ZNF141: variants seen among roughly 807,000 people sequenced by gnomAD.
ZNF141 encodes zinc finger protein 141, also known as zinc finger protein 141 (clone pHZ-44).
A neutral mutation model predicts 11.3 loss-of-function variants in ZNF141; 7 were observed. The observed-to-expected ratio is 0.62, with a 90% CI of 0.35 to 1.16. The LOEUF (loss-of-function observed/expected upper bound fraction) is 1.16. Ranked by LOEUF, ZNF141 falls within the 50% of genes most tolerant of loss-of-function variation. ZNF141 has a pLI of 0.02. For missense variants in ZNF141, 535 were observed against 554.0 expected (o/e 0.97, Z 0.34); for synonymous variants, 183 against 190.7 (o/e 0.96, Z 0.33).
At position 380,184 on chromosome 4, in the gene ZNF141, G is replaced by C. The variant is rs1386744403; in HGVS notation, c.*6322G>C. ...ATTTCCTCCCTTTTAACGTTGAATT[G>C]TATTTCCTTGTGTATACCACGTTTT... On this transcript the variant is annotated 3_prime_UTR_variant, in exon 4 of 4. Transcript: ENST00000240499. 1.3e-5 allele frequency among the ~76,000 whole-genome samples: 2 copies of C among 152,042 alleles called. No homozygotes were observed. Among genetic ancestry groups the C allele is most frequent in the African/African-American group, 4.8e-5 (2 of 41,382 alleles).
At chr4:360,700 A>G (rs1553852006) in intron 3 of ZNF141, among the ~76,000 whole-genome samples, 1 of 152,164 alleles carries the variant, frequency 6.6e-6, no homozygotes, top group African/African-American at 2.4e-5. Flanking sequence ...AATAAAAATC[A>G]TTGGAGCAAG....
intron 3 of ZNF141, among the ~76,000 whole-genome samples, chr4:365,581 A>G (rs1029543398): frequency 2.6e-5 from 4 of 152,170 alleles, no homozygotes; most frequent in Non-Finnish European, 5.9e-5. Context: ...ATTTTCTTTC[A>G]TTCTGTAGAT....
In ZNF141 at chr4:373,979, G is replaced by A; in HGVS notation, c.*117G>A. ...CTGGAAATGTGAAGAACGTGGCAAAGTTCTTTACCTCATTCTCAAACCTTG... is the reference window on the plus strand; with the variant it reads ...CTGGAAATGTGAAGAACGTGGCAAAATTCTTTACCTCATTCTCAAACCTTG... On this transcript the variant is annotated 3_prime_UTR_variant, in exon 4 of 4. Coordinates refer to ENST00000240499, the MANE Select transcript of ZNF141 (RefSeq NM_003441.4). 1 of 892,262 alleles carries A rather than the reference G, an allele frequency of 1.1e-6. No individual in the cohort carries two copies. Among genetic ancestry groups the A allele is most frequent in the South Asian group, 1.7e-5 (1 of 59,582 alleles). 55.3% of individuals were successfully genotyped at this position (892,262 alleles called of 1,614,324 possible).
chr4:360,352 G>A (rs1455316794), intron 3 of ZNF141, among the ~76,000 whole-genome samples: 1 of 152,208 alleles, frequency 6.6e-6, no homozygotes, highest in Non-Finnish European at 1.5e-5. Flanking sequence ...ATAAGTAAAT[G>A]TATTGCAATG....
chr4:342,817 C>T, intron 1 of ZNF141: 1 of 1,606,160 alleles, frequency 6.2e-7, no homozygotes, highest in South Asian at 1.1e-5. Context: ...AGAAAAAATT[C>T]AAACAGGTCC....
chr4:351,744 C>T (rs1490043054), intron 3 of ZNF141, among the ~76,000 whole-genome samples: 1 of 152,090 alleles, frequency 6.6e-6, no homozygotes, highest in African/African-American at 2.4e-5. Flanking sequence ...TCTGCCAAAG[C>T]AGGTCATCAA....
intron 3 of ZNF141, among the ~76,000 whole-genome samples, chr4:359,710 G>A (rs1228456117): frequency 1.3e-5 from 2 of 152,146 alleles, no homozygotes; most frequent in African/African-American, 2.4e-5. Flanking sequence ...CACAGGTCAG[G>A]AAAAACTCCT....
At chr4:342,208 A>G (rs1721081796) in intron 1 of ZNF141, among the ~76,000 whole-genome samples, 1 of 152,218 alleles carries the variant, frequency 6.6e-6, no homozygotes, top group Non-Finnish European at 1.5e-5. Flanking sequence ...GCTTCCCATC[A>G]CAGTGCTCTG....
chr4:375,097 TATAGAA>T lies in ZNF141; in HGVS notation c.*1239_*1244del, dbSNP rs1712299151. ...GATATCCTTTATATTCGAGAAAAGT[TATAGAA>T]ATATAAAAAATATAGAAAAGTCATA... On this transcript the variant is annotated 3_prime_UTR_variant, in exon 4 of 4. Transcript: ENST00000240499. The T allele has an allele frequency of 6.6e-6, 1 of 152,128 alleles. No individual in the cohort carries two copies. 9.4% of individuals were successfully genotyped at this position (152,128 alleles called of 1,614,324 possible). A position where few individuals can be genotyped will look rare whatever the true frequency, so the allele number is the denominator to read the frequency against.
At chr4:360,958 C>T (rs1187521079) in intron 3 of ZNF141, among the ~76,000 whole-genome samples, 2 of 151,372 alleles carry the variant, frequency 1.3e-5, no homozygotes, top group Non-Finnish European at 3.0e-5. Context: ...GTCAAAGAAA[C>T]TGTAAATTTA....
rs781898106 is a variant in ZNF141 at position 373,555 on chromosome 4, G to T, written c.1118G>T (p.Gly373Val). The change falls in exon 4 of 4, where the codon GGC becomes GTC. Residue 373 changes from glycine to valine, a missense_variant. Gly to Val is a moderately radical substitution (Grantham distance 109). Transcript: ENST00000240499. ...CGGCCCTACAAATGTGATGAATGTG[G>T]CAAAGCCTTTGGACGGTCCAGGGTC... ...GERPYKCDECGKAFGRSRVLN... is the reference protein window; with the variant it reads ...GERPYKCDECVKAFGRSRVLN... The T allele has an allele frequency of 1.2e-6, 2 of 1,613,400 alleles. No individual in the cohort carries two copies. The highest frequency in any genetic ancestry group is 4.5e-5 in the East Asian group (2 of 44,880).
At chr4:338,221 C>CTG (rs1720884056) in intron 1 of ZNF141, 1 of 496,666 alleles carries the variant, frequency 2.0e-6, no homozygotes. Context: ...CTTCCCCAGG[C>CTG]TGTGGGGTGA....
At chr4:348,521 T>C (rs1721443782) in intron 3 of ZNF141, among the ~76,000 whole-genome samples, 1 of 152,058 alleles carries the variant, frequency 6.6e-6, no homozygotes, top group Non-Finnish European at 1.5e-5. Flanking sequence ...AAGACTAGCC[T>C]GGCCAATATG....
At chr4:371,885 T>C (rs1553853629) in intron 3 of ZNF141, among the ~76,000 whole-genome samples, 1 of 152,212 alleles carries the variant, frequency 6.6e-6, no homozygotes, top group Admixed American at 6.5e-5. Flanking sequence ...TGTTCTAATA[T>C]TTTGTATACA....
chr4:364,946 A>G (rs1250844085), intron 3 of ZNF141, among the ~76,000 whole-genome samples: 3 of 152,250 alleles, frequency 2.0e-5, no homozygotes, highest in Non-Finnish European at 2.9e-5. Context: ...GGTGGAATCT[A>G]CAGAGGCAAC....
chr4:345,115 C>T (rs1721258655), intron 3 of ZNF141, among the ~76,000 whole-genome samples: 1 of 151,958 alleles, frequency 6.6e-6, no homozygotes, highest in South Asian at 2.1e-4. Context: ...CGTATTATGT[C>T]TAAAATGTGT....
At chr4:367,454 CAT>C (rs1403554664) in intron 3 of ZNF141, among the ~76,000 whole-genome samples, 1 of 151,616 alleles carries the variant, frequency 6.6e-6, no homozygotes, top group East Asian at 1.9e-4. Context: ...CAAAAACTGT[CAT>C]ATGTCTGTAT....
intron 1 of ZNF141, among the ~76,000 whole-genome samples, chr4:339,574 T>G (rs1267241905): frequency 1.3e-5 from 2 of 152,268 alleles, no homozygotes; most frequent in Non-Finnish European, 2.9e-5. Flanking sequence ...AGAGGCTTAA[T>G]GCTTTCTCTT....
chr4:345,711 A>C (rs1721288436), intron 3 of ZNF141, among the ~76,000 whole-genome samples: 2 of 148,110 alleles, frequency 1.4e-5, no homozygotes, highest in Admixed American at 1.4e-4. Context: ...CTGGGCAACA[A>C]GAGTGAAACT....
Sources: allele counts gnomAD v4.1 joint callset (sites outside exome capture counted in the v4.1 genomes callset), GRCh38; gene constraint gnomAD v4.1.1; transcripts MANE v1.5; gene names NCBI Gene and HGNC (gene_info 2026-07-23, HGNC 2026-07-21).